Variants in CTNS observed in about 807,000 individuals in gnomAD.
CTNS encodes the protein cystinosin.
A neutral mutation model predicts 43.7 loss-of-function variants in CTNS; 27 were observed. The ratio of observed to expected loss-of-function variants is 0.62; its 90% CI spans 0.46 to 0.85. The LOEUF (loss-of-function observed/expected upper bound fraction) is 0.85, where lower values mean the gene tolerates loss of function less well. CTNS is among the 40% of genes least tolerant of loss of function. The probability of loss-of-function intolerance (pLI) is 0.00; values close to 1 mark genes in which losing one functional copy is unlikely to be tolerated. For missense variants in CTNS, 457 were observed against 475.4 expected (o/e 0.96, Z 0.36); for synonymous variants, 187 against 190.6 (o/e 0.98, Z 0.16).
intron 4 of CTNS, 179 bp downstream of exon 4, chr17:3,647,701 G>T (rs1170572197): frequency 3.0e-6 from 2 of 660,858 alleles, no homozygotes; most frequent in Admixed American, 2.2e-5. Context: ...GATCGCAAAG[G>T]CTGACCCCCA....
chr17:3,657,069 G>A lies in CTNS; in HGVS notation c.681+274G>A, dbSNP rs4790532. 0.17 allele frequency: 83,273 copies of A among 483,756 alleles called. 8,414 individuals carry two copies. The highest frequency in any genetic ancestry group is 0.24 in the East Asian group (5,850 of 24,250). 30.0% of individuals were successfully genotyped at this position (483,756 alleles called of 1,614,324 possible). On this transcript the variant is annotated intron_variant, in intron 9 of 11. Coordinates refer to ENST00000046640, the MANE Select transcript of CTNS (RefSeq NM_004937.3). ...CTCATGGAGGAGTGCAAGGCCCTGA[G>A]CCCTGCCAGGGAGGAGGGAGGAGGG...
chr17:3,660,308 T>C lies in CTNS; in HGVS notation c.1043T>C (p.Val348Ala), dbSNP rs945675082. The change falls in exon 12 of 12, where the codon GTC becomes GCC. Residue 348 changes from valine to alanine, a missense_variant. Physicochemically the swap from Val to Ala is moderately conservative, Grantham distance 64 (BLOSUM62 0). Transcript: ENST00000046640. The part of the protein sequence containing the change: ...LGVFSIVFDV[V>A]FFIQHFCLYR... ...GTCTTCTCCATCGTCTTCGACGTCG[T>C]CTTCTTCATCCAGCACTTCTGTTTG... is the stretch of plus-strand genomic sequence containing the variant. The C allele has an allele frequency of 6.2e-7, 1 of 1,614,234 alleles. No individual in the cohort carries two copies. The highest frequency in any genetic ancestry group is 8.5e-7 in the Non-Finnish European group (1 of 1,180,048).
chr17:3,649,409 C>T (rs926672882), intron 5 of CTNS, among the ~76,000 whole-genome samples: 32 of 151,264 alleles, frequency 2.1e-4, no homozygotes, highest in Admixed American at 2.1e-3. Flanking sequence ...CCTAGATGGC[C>T]CCACTACACT....
chr17:3,644,488 G>A (rs559008280), intron 3 of CTNS, among the ~76,000 whole-genome samples: 1 of 152,032 alleles, frequency 6.6e-6, no homozygotes, highest in African/African-American at 2.4e-5. Flanking sequence ...TTGTTGAGAC[G>A]GAGTCTCACT....
chr17:3,646,343 T>C (rs2075843737), intron 3 of CTNS, among the ~76,000 whole-genome samples: 1 of 147,538 alleles, frequency 6.8e-6, no homozygotes, highest in Non-Finnish European at 1.5e-5. Context: ...CAGGCTGGAA[T>C]GCAGTAGCGA....
intron 3 of CTNS, among the ~76,000 whole-genome samples, chr17:3,641,395 T>TA (rs1320832017): frequency 3.0e-5 from 3 of 99,646 alleles, no homozygotes; most frequent in South Asian, 7.0e-4. Context: ...TTTTTTTTTT[T>TA]TTTTTTTTTT....
At chr17:3,659,218 CAG>C (rs1325022470) in intron 10 of CTNS, among the ~76,000 whole-genome samples, 1 of 152,130 alleles carries the variant, frequency 6.6e-6, no homozygotes, top group East Asian at 1.9e-4. Flanking sequence ...TCACAGCAGT[CAG>C]AGGACCCACA....
At chr17:3,642,040 C>CGTGTGTGTGTGTGT (rs2075723439) in intron 3 of CTNS, among the ~76,000 whole-genome samples, 8 of 52,030 alleles carry the variant, frequency 1.5e-4, no homozygotes, top group Non-Finnish European at 2.2e-4. Flanking sequence ...TTTGCCTGGG[C>CGTGTGTGTGTGTGT]CTGTGTGTGT....
At chr17:3,647,830 G>A (rs555636679) in intron 4 of CTNS, among the ~76,000 whole-genome samples, 2 of 152,340 alleles carry the variant, frequency 1.3e-5, no homozygotes, top group South Asian at 2.1e-4. Flanking sequence ...ATTTCAAAGC[G>A]ATTCTTTCTA....
At chr17:3,649,451 C>CAA (rs34213111) in intron 5 of CTNS, among the ~76,000 whole-genome samples, 22 of 94,972 alleles carry the variant, frequency 2.3e-4, no homozygotes, top group South Asian at 1.4e-3. Flanking sequence ...GACTCCTTCT[C>CAA]AAAAAAAAAA....
At chr17:3,638,236 T>G (rs200603052) in intron 2 of CTNS, among the ~76,000 whole-genome samples, 525 of 50,784 alleles carry the variant, frequency 0.01, 15 homozygotes, top group East Asian at 0.092. Flanking sequence ...GTTTTTTTTT[T>G]GTTTTTTTTT....
At chr17:3,637,570 G>T (rs1257898762) in intron 2 of CTNS, among the ~76,000 whole-genome samples, 1 of 151,822 alleles carries the variant, frequency 6.6e-6, no homozygotes, top group Admixed American at 6.6e-5. Flanking sequence ...GGGTTCAAGC[G>T]ATTCTCCTAC....
At chr17:3,656,821 GGCCACCCCAGCCAACACCC>G (rs1451783098) in intron 9 of CTNS, 26 bp downstream of exon 9, 1 of 1,612,256 alleles carries the variant, frequency 6.2e-7, no homozygotes, top group Admixed American at 1.7e-5. Flanking sequence ...GCCCCCCACA[GGCCACCCCAGCCAACACCC>G]GCCACCCCAC....
chr17:3,640,638 C>A (rs945104412), intron 3 of CTNS, among the ~76,000 whole-genome samples: 1 of 152,264 alleles, frequency 6.6e-6, no homozygotes, highest in Admixed American at 6.5e-5. Flanking sequence ...TGGCTCACGC[C>A]TATAATTCCA....
rs1049044424 is a variant in CTNS, at chr17:3,661,838, G to T, written c.*1469G>T. Among the ~76,000 whole-genome samples the T allele has an allele frequency of 1.3e-5, 2 of 152,230 alleles. No homozygotes were observed. Among genetic ancestry groups the T allele is most frequent in the African/African-American group, 4.8e-5 (2 of 41,456 alleles). ...CACACCAGCACTGGGAGCGGGGGCA[G>T]TGGGGGTCTTATTCTCCAGACGCTT... On this transcript the variant is annotated 3_prime_UTR_variant, in exon 12 of 12. Coordinates refer to ENST00000046640, the MANE Select transcript of CTNS (RefSeq NM_004937.3).
intron 3 of CTNS, among the ~76,000 whole-genome samples, chr17:3,641,847 C>T (rs2075716659): frequency 6.6e-6 from 1 of 152,126 alleles, no homozygotes; most frequent in South Asian, 2.1e-4. Context: ...GTTAAACAAT[C>T]AGTAATGTTT....
chr17:3,647,337 G>T, intron 3 of CTNS, 107 bp from the exon 4 acceptor site: 2 of 935,712 alleles, frequency 2.1e-6, no homozygotes, highest in Non-Finnish European at 1.7e-6. Context: ...GGGCTCGTCA[G>T]AGAGTCAGAG....
intron 11 of CTNS, 21 bp from the exon 12 acceptor site, chr17:3,660,215 C>G (rs766707523): frequency 1.2e-6 from 2 of 1,614,076 alleles, no homozygotes; most frequent in South Asian, 2.2e-5. Context: ...ACACCAGCTT[C>G]TGTCCCCCGG....
chr17:3,656,801 A>G lies in CTNS; in HGVS notation c.681+6A>G. On this transcript the variant is annotated splice_donor_region_variant and intron_variant, in intron 9 of 11. Transcript: ENST00000046640. ...TGCAGTGCTGCCTGTATGAGGTGAGACCAGCCCTGGCCCCCCACAGGCCAC... is the reference window on the plus strand; with the variant it reads ...TGCAGTGCTGCCTGTATGAGGTGAGGCCAGCCCTGGCCCCCCACAGGCCAC... The G allele has an allele frequency of 1.2e-6, 2 of 1,612,588 alleles. No individual in the cohort carries two copies. The highest frequency in any genetic ancestry group is 2.2e-5 in the South Asian group (2 of 91,054).
Sources: allele counts gnomAD v4.1 joint callset (sites outside exome capture counted in the v4.1 genomes callset), GRCh38; gene constraint gnomAD v4.1.1; transcripts MANE v1.5; gene names NCBI Gene and HGNC (gene_info 2026-07-23, HGNC 2026-07-21).